The following RAC1 variants were observed in gnomAD, a reference collection of about 807,000 sequenced individuals.
RAC1 encodes the protein ras-related C3 botulinum toxin substrate 1.
RAC1 carries 2 observed loss-of-function variants against 25.2 expected under a neutral mutation model. The ratio of observed to expected loss-of-function variants is 0.08; its 90% confidence interval spans 0.03 to 0.25. RAC1 has a LOEUF of 0.25. Ranked by LOEUF, RAC1 falls within the 10% of genes least tolerant of loss-of-function variation. RAC1 has a pLI of 1.00. For missense variants in RAC1, 50 were observed against 235.7 expected (o/e 0.21, Z 5.16); for synonymous variants, 88 against 94.0 (o/e 0.94, Z 0.37).
chr7:6,385,017 G>T (rs1168180866), intron 1 of RAC1, among the ~76,000 whole-genome samples: 1 of 151,912 alleles, frequency 6.6e-6, no homozygotes, highest in Non-Finnish European at 1.5e-5. Context: ...TGTTGGCCCA[G>T]CTGGTCTTGA....
At chr7:6,392,230 G>C (rs528566314) in intron 3 of RAC1, among the ~76,000 whole-genome samples, 189 bp downstream of exon 3, 3 of 152,280 alleles carry the variant, frequency 2.0e-5, no homozygotes, top group African/African-American at 7.2e-5. Flanking sequence ...TGTGTTTTGA[G>C]CGTTACCAGC....
intron 1 of RAC1, among the ~76,000 whole-genome samples, chr7:6,376,782 T>G (rs1782617407): frequency 1.5e-5 from 1 of 67,180 alleles, no homozygotes; most frequent in South Asian, 3.5e-4. Flanking sequence ...TCGGCCTGTT[T>G]TTTTTTTTTT....
chr7:6,391,877 A>G (rs369301942), intron 2 of RAC1, 47 bp from the exon 3 acceptor site: 13 of 1,613,254 alleles, frequency 8.1e-6, no homozygotes, highest in Non-Finnish European at 1.1e-5. Flanking sequence ...TGGGACAGTG[A>G]CTTAGCTTCT....
intron 2 of RAC1, 28 bp from the exon 3 acceptor site, chr7:6,391,896 G>GACT: frequency 6.2e-7 from 1 of 1,613,832 alleles, no homozygotes. Flanking sequence ...CTACACCTGT[G>GACT]ACTAACCATT....
intron 3 of RAC1, among the ~76,000 whole-genome samples, chr7:6,395,745 C>A (rs1278446465): frequency 6.6e-6 from 1 of 151,902 alleles, no homozygotes; most frequent in Non-Finnish European, 1.5e-5. Context: ...TCTCATACGT[C>A]AGGGCTGCCT....
Position 6,402,829 on chromosome 7 carries a change from G to A in RAC1, c.*383G>A, listed in dbSNP as rs1181057782. On this transcript the variant is annotated 3_prime_UTR_variant, in exon 6 of 6. Coordinates refer to ENST00000348035, the MANE Select transcript of RAC1 (RefSeq NM_006908.5). ...AGCACTGAACTTTGCAAAGACCTTC[G>A]TCTTTGAGAAGACGGTAGCTTCTGC... 4 of 204,312 alleles carry A rather than the reference G, an allele frequency of 2.0e-5. No homozygotes were observed. The highest frequency in any genetic ancestry group is 2.0e-5 in the Non-Finnish European group (2 of 99,562). 12.7% of individuals were successfully genotyped at this position (204,312 alleles called of 1,614,324 possible).
At chr7:6,375,236 G>T (rs1000307258) in intron 1 of RAC1, among the ~76,000 whole-genome samples, 8 of 152,112 alleles carry the variant, frequency 5.3e-5, no homozygotes, top group African/African-American at 1.7e-4. Flanking sequence ...GGCCGCTTTG[G>T]TGCCCCCAAA....
intron 1 of RAC1, among the ~76,000 whole-genome samples, chr7:6,377,832 G>C (rs1782650731): frequency 6.6e-6 from 1 of 152,148 alleles, no homozygotes; most frequent in Non-Finnish European, 1.5e-5. Context: ...TTGAACTTGG[G>C]AGGTGGAGGT....
At chr7:6,398,952 G>A (rs1783322583) in intron 3 of RAC1, among the ~76,000 whole-genome samples, 1 of 152,222 alleles carries the variant, frequency 6.6e-6, no homozygotes, top group Non-Finnish European at 1.5e-5. Flanking sequence ...AGTGAAAGGA[G>A]GGGACAGTGA....
At chr7:6,391,819 C>T in intron 2 of RAC1, 105 bp from the exon 3 acceptor site, 1 of 1,566,100 alleles carries the variant, frequency 6.4e-7, no homozygotes, top group Non-Finnish European at 8.7e-7. Flanking sequence ...GTGGCAGCCT[C>T]CAGGCCCGTC....
At chr7:6,393,443 CAG>C (rs376543251) in intron 3 of RAC1, among the ~76,000 whole-genome samples, 86 of 152,276 alleles carry the variant, frequency 5.6e-4, no homozygotes, top group East Asian at 5.0e-3. Flanking sequence ...TGCTGTGACT[CAG>C]GGGGTACCGG....
At chr7:6,395,036 A>G (rs1286278540) in intron 3 of RAC1, among the ~76,000 whole-genome samples, 1 of 152,134 alleles carries the variant, frequency 6.6e-6, no homozygotes, top group Non-Finnish European at 1.5e-5. Context: ...TTATATTTTT[A>G]GTAGAGACGG....
At chr7:6,376,056 T>A (rs1399169318) in intron 1 of RAC1, 1 of 152,064 alleles carries the variant, frequency 6.6e-6, no homozygotes, top group African/African-American at 2.4e-5. Flanking sequence ...TAGGACAGAT[T>A]TTGGTTCTTG....
intron 1 of RAC1, among the ~76,000 whole-genome samples, chr7:6,378,412 G>T (rs912814138): frequency 7.9e-5 from 12 of 151,918 alleles, no homozygotes; most frequent in Non-Finnish European, 1.6e-4. Context: ...CGGGCGTGGT[G>T]GTGGGCGCCT....
intron 2 of RAC1, among the ~76,000 whole-genome samples, chr7:6,390,371 G>GT (rs1783057458): frequency 6.6e-6 from 1 of 151,848 alleles, no homozygotes; most frequent in African/African-American, 2.4e-5. Flanking sequence ...GGAAGCTGAG[G>GT]TGGGCGCATT....
chr7:6,389,203 C>CA (rs5882093), intron 2 of RAC1, among the ~76,000 whole-genome samples: 62 of 138,730 alleles, frequency 4.5e-4, no homozygotes, highest in South Asian at 6.8e-4. Flanking sequence ...CTCTGTCTCC[C>CA]AAAAAAAAAA....
At position 6,401,957 on chromosome 7, in the gene RAC1, C is replaced by T. The variant is rs764451724; in HGVS notation, c.378C>T (p.Ile126=). ...ATCTTAGGGATGATAAAGACACGATCGAGAAACTGAAGGAGAAGAAGCTGA... is the reference window on the plus strand; with the variant it reads ...ATCTTAGGGATGATAAAGACACGATTGAGAAACTGAAGGAGAAGAAGCTGA... ...KLDLRDDKDT[I]EKLKEKKLTP... Residue 126 remains isoleucine (I), a synonymous_variant, in exon 5 of 6, where the codon ATC becomes ATT. Coordinates refer to ENST00000348035, the MANE Select transcript of RAC1 (RefSeq NM_006908.5). The T allele has an allele frequency of 6.2e-6, 10 of 1,613,992 alleles. No homozygotes were observed. The highest frequency in any genetic ancestry group is 5.0e-5 in the Admixed American group (3 of 59,996).
chr7:6,383,231 A>G (rs910951566), intron 1 of RAC1, among the ~76,000 whole-genome samples: 6 of 152,220 alleles, frequency 3.9e-5, no homozygotes, highest in African/African-American at 1.4e-4. Flanking sequence ...AGGCCATGGA[A>G]AGGCTGTCAC....
chr7:6,391,232 T>C (rs1783084251), intron 2 of RAC1, among the ~76,000 whole-genome samples: 1 of 150,748 alleles, frequency 6.6e-6, no homozygotes, highest in Admixed American at 6.6e-5. Context: ...TTTTTTTTTT[T>C]TCTTTTTTGC....
Sources: gnomAD v4.1 joint callset for allele counts (sites outside exome capture counted in the v4.1 genomes callset) on GRCh38, gnomAD v4.1.1 for gene constraint, MANE v1.5 for transcripts, NCBI Gene and HGNC (gene_info 2026-07-23, HGNC 2026-07-21) for gene names.